Variants in SAMD3 observed in about 807,000 individuals in gnomAD.
SAMD3 encodes the protein sterile alpha motif domain-containing protein 3.
SAMD3 carries 63 observed loss-of-function variants against 58.5 expected under a neutral mutation model. The observed-to-expected ratio is 1.08, with a 90% CI of 0.88 to 1.33. The LOEUF is 1.33. Among genes scored for constraint, SAMD3 ranks in the 40% most tolerant of loss-of-function variants. The pLI is 0.00. For synonymous variants in SAMD3, 220 were observed against 210.3 expected (o/e 1.05, Z -0.40); for missense variants, 604 against 608.4 (o/e 0.99, Z 0.08).
intron 7 of SAMD3, chr6:130,183,100 T>G (rs1582827576): frequency 3.3e-6 from 1 of 307,308 alleles, no homozygotes; most frequent in Non-Finnish European, 6.4e-6. Context: ...GACAGGCAGG[T>G]TCAAACAGCA....
At chr6:130,220,562 G>C (rs1191550890) in intron 1 of SAMD3, among the ~76,000 whole-genome samples, 1 of 152,228 alleles carries the variant, frequency 6.6e-6, no homozygotes, top group Non-Finnish European at 1.5e-5. Flanking sequence ...TTTATGAAAA[G>C]CTGGATGTGT....
At chr6:130,148,953 G>T (rs1037452333) in intron 9 of SAMD3, among the ~76,000 whole-genome samples, 3 of 152,132 alleles carry the variant, frequency 2.0e-5, no homozygotes, top group African/African-American at 7.2e-5. Flanking sequence ...TCTCATAGAA[G>T]AAATCTAGGA....
intron 1 of SAMD3, among the ~76,000 whole-genome samples, chr6:130,337,475 A>T (rs1777135272): frequency 6.6e-6 from 1 of 152,194 alleles, no homozygotes; most frequent in South Asian, 2.1e-4. Context: ...TACTATAGTA[A>T]ATTGGTACTG....
At chr6:130,230,390 C>CT (rs938098365) in intron 2 of SAMD3, among the ~76,000 whole-genome samples, 11 of 151,900 alleles carry the variant, frequency 7.2e-5, no homozygotes, top group African/African-American at 1.4e-4. Flanking sequence ...CCTTCTTCTT[C>CT]TTTTTTTTCT....
chr6:130,195,584 C>T (rs1310709212), intron 5 of SAMD3, among the ~76,000 whole-genome samples: 1 of 152,170 alleles, frequency 6.6e-6, no homozygotes, highest in Non-Finnish European at 1.5e-5. Context: ...TGTTCTAGAT[C>T]TCAAACATGC....
At chr6:130,316,737 A>T (rs1016776988) in intron 1 of SAMD3, among the ~76,000 whole-genome samples, 2 of 152,182 alleles carry the variant, frequency 1.3e-5, no homozygotes, top group African/African-American at 2.4e-5. Context: ...TACATTATAC[A>T]CTATACCCAG....
intron 2 of SAMD3, among the ~76,000 whole-genome samples, chr6:130,267,857 G>A (rs1167466092): frequency 6.6e-6 from 1 of 152,340 alleles, no homozygotes; most frequent in African/African-American, 2.4e-5. Context: ...CCATAGAGTT[G>A]TGAACGAGCT....
Position 130,144,682 on chromosome 6 carries a change from A to C in SAMD3, c.1401T>G (p.Ala467=). ...ATACATGAAAGGCAGCTACTAGCGC[A>C]GCCAAGGCTGTAACACAGTCGTCCA... ...TKVDDCVTAL[A]ALVAAFHVFR... The change falls in exon 12 of 12, where the codon GCT becomes GCG. Residue 467 remains alanine, a synonymous_variant. Transcript: ENST00000439090. The C allele has an allele frequency of 6.2e-7, 1 of 1,614,196 alleles. No individual in the cohort carries two copies. The highest frequency in any genetic ancestry group is 8.5e-7 in the Non-Finnish European group (1 of 1,179,998).
At chr6:130,219,290 C>A (rs1796125148) in intron 1 of SAMD3, among the ~76,000 whole-genome samples, 1 of 151,860 alleles carries the variant, frequency 6.6e-6, no homozygotes, top group Non-Finnish European at 1.5e-5. Context: ...TTATGCTAAA[C>A]GATATGAAAC....
intron 2 of SAMD3, among the ~76,000 whole-genome samples, chr6:130,297,274 C>A (rs1430139330): frequency 1.3e-5 from 2 of 152,176 alleles, no homozygotes; most frequent in Non-Finnish European, 2.9e-5. Context: ...AACCAATGAA[C>A]CCATATAGAG....
chr6:130,226,142 C>A (rs757862561), upstream of SAMD3, among the ~76,000 whole-genome samples: 1 of 152,200 alleles, frequency 6.6e-6, no homozygotes, highest in African/African-American at 2.4e-5. Flanking sequence ...GCCTGATGGG[C>A]AGACTGGAGC....
chr6:130,291,886 G>A (rs923616341), intron 2 of SAMD3, among the ~76,000 whole-genome samples: 2 of 151,922 alleles, frequency 1.3e-5, no homozygotes, highest in African/African-American at 4.8e-5. Context: ...CAAATCTGTG[G>A]GTTCTTAATG....
rs116936744 is a variant in SAMD3 at position 130,217,596 on chromosome 6, T to C, written c.-67-980A>G. On this transcript the variant is annotated intron_variant, in intron 1 of 11. Coordinates refer to ENST00000439090, the MANE Select transcript of SAMD3 (RefSeq NM_001017373.4). ...CTAAATATGGGCAAGCTTTATTTAA[T>C]AAATTTGTTAAAACTACAAAGGAAG... Among the ~76,000 whole-genome samples, 1,098 of 152,336 alleles carry C rather than the reference T, an allele frequency of 7.2e-3. 5 individuals are homozygous for C. The highest frequency in any genetic ancestry group is 0.024 in the Middle Eastern group (7 of 294).
chr6:130,213,313 C>CT (rs1221967075), intron 4 of SAMD3, among the ~76,000 whole-genome samples: 30 of 128,108 alleles, frequency 2.3e-4, no homozygotes, highest in East Asian at 1.1e-3. Context: ...AAACAAAAAG[C>CT]TTTTTTTTTT....
intron 2 of SAMD3, among the ~76,000 whole-genome samples, chr6:130,259,665 C>T (rs911276243): frequency 1.3e-5 from 2 of 152,130 alleles, no homozygotes; most frequent in Non-Finnish European, 2.9e-5. Context: ...CCTGCCAGGT[C>T]AGAGGAGCAC....
chr6:130,357,395 A>G (rs893798537), intron 1 of SAMD3, among the ~76,000 whole-genome samples: 2 of 152,062 alleles, frequency 1.3e-5, no homozygotes, highest in Non-Finnish European at 2.9e-5. Context: ...AAGTCCTGGG[A>G]TTACAGGCGT....
intron 2 of SAMD3, among the ~76,000 whole-genome samples, chr6:130,277,572 C>G (rs772504401): frequency 2.6e-5 from 4 of 152,098 alleles, no homozygotes; most frequent in Non-Finnish European, 5.9e-5. Flanking sequence ...ATTTTTTCTC[C>G]TGCTTGTTGC....
At chr6:130,292,627 T>TTTG (rs1775415863) in intron 2 of SAMD3, among the ~76,000 whole-genome samples, 1 of 136,594 alleles carries the variant, frequency 7.3e-6, no homozygotes, top group African/African-American at 2.6e-5. Context: ...TTTTGTTTTG[T>TTTG]TTTGTTTTTG....
At chr6:130,177,405 T>C (rs1047907591) in intron 7 of SAMD3, among the ~76,000 whole-genome samples, 3 of 152,154 alleles carry the variant, frequency 2.0e-5, no homozygotes, top group Non-Finnish European at 4.4e-5. Context: ...ACCAGAGACA[T>C]GGACAATACC....
Sources: allele counts gnomAD v4.1 joint callset (sites outside exome capture counted in the v4.1 genomes callset), GRCh38; gene constraint gnomAD v4.1.1; transcripts MANE v1.5; gene names NCBI Gene and HGNC (gene_info 2026-07-23, HGNC 2026-07-21).